THSD7B: variants seen among roughly 807,000 people sequenced by gnomAD.
THSD7B encodes thrombospondin type-1 domain-containing protein 7B.
In THSD7B, 138 loss-of-function variants were observed where a neutral mutation model predicts 213.6. The ratio of observed to expected loss-of-function variants is 0.65; its 90% CI spans 0.56 to 0.74. The LOEUF is 0.74. Ranked by LOEUF, THSD7B falls within the 30% of genes least tolerant of loss-of-function variation. The pLI is 0.00. For synonymous variants in THSD7B, 742 were observed against 687.0 expected, an observed-to-expected ratio of 1.08 and a Z score of -1.25; for missense variants, 1,931 against 1,991.5, an observed-to-expected ratio of 0.97 and a Z score of 0.58.
intron 12 of THSD7B, among the ~76,000 whole-genome samples, chr2:137,292,611 T>A (rs1207084810): frequency 6.6e-6 from 1 of 152,206 alleles, no homozygotes; most frequent in Non-Finnish European, 1.5e-5. Context: ...ATAGTTGGTC[T>A]CTAGTAAGTA....
At chr2:137,198,930 A>T (rs7588708) in intron 7 of THSD7B, among the ~76,000 whole-genome samples, 140,684 of 152,200 alleles carry the variant, frequency 0.92, 65,278 homozygotes, top group Middle Eastern at 0.98. Flanking sequence ...TTATTTTGCC[A>T]AAGATATTTG....
At chr2:137,330,796 C>T (rs1419934463) in intron 12 of THSD7B, among the ~76,000 whole-genome samples, 1 of 152,076 alleles carries the variant, frequency 6.6e-6, no homozygotes, top group Non-Finnish European at 1.5e-5. Context: ...GAAGGGGCCC[C>T]AAGCGGGTTG....
At chr2:137,214,709 T>G (rs1339463764) in intron 7 of THSD7B, among the ~76,000 whole-genome samples, 1 of 152,130 alleles carries the variant, frequency 6.6e-6, no homozygotes, top group Non-Finnish European at 1.5e-5. Flanking sequence ...TGTGTTAGTT[T>G]GCTGAGAAAG....
chr2:136,854,131 A>G (rs1362268890), intron 1 of THSD7B, among the ~76,000 whole-genome samples: 1 of 152,168 alleles, frequency 6.6e-6, no homozygotes, highest in African/African-American at 2.4e-5. Flanking sequence ...CAGTGTGCAC[A>G]TTGGTAGTGA....
intron 2 of THSD7B, among the ~76,000 whole-genome samples, chr2:136,941,665 T>C (rs768913953): frequency 2.6e-5 from 4 of 152,248 alleles, no homozygotes; most frequent in Non-Finnish European, 5.9e-5. Context: ...TTTTGAGAAG[T>C]GTCTGTTCAT....
chr2:137,512,575 T>C (rs1363420513), intron 15 of THSD7B, among the ~76,000 whole-genome samples: 1 of 151,656 alleles, frequency 6.6e-6, no homozygotes, highest in African/African-American at 2.4e-5. Flanking sequence ...GTATTATTTG[T>C]AGAGACAGGG....
At chr2:137,464,516 C>A (rs1356747147) in intron 15 of THSD7B, among the ~76,000 whole-genome samples, 1 of 152,006 alleles carries the variant, frequency 6.6e-6, no homozygotes, top group Non-Finnish European at 1.5e-5. Context: ...ATTTATCTCA[C>A]CTGAAGGGCC....
chr2:137,586,489 A>G (rs1221909719), intron 17 of THSD7B, among the ~76,000 whole-genome samples: 1 of 151,998 alleles, frequency 6.6e-6, no homozygotes, highest in African/African-American at 2.4e-5. Flanking sequence ...GTTCCTTTCC[A>G]TGTTTAGTGC....
chr2:137,416,820 G>C (rs72979606), intron 14 of THSD7B, among the ~76,000 whole-genome samples: 12,885 of 152,260 alleles, frequency 0.085, 1,166 homozygotes, highest in African/African-American at 0.22. Flanking sequence ...TCGATGTATA[G>C]TTTGGGAATA....
At chr2:136,800,454 T>A (rs1372208706) in intron 1 of THSD7B, among the ~76,000 whole-genome samples, 1 of 152,024 alleles carries the variant, frequency 6.6e-6, no homozygotes, top group Non-Finnish European at 1.5e-5. Context: ...TCATAGTATC[T>A]TCCCCACAAA....
At chr2:137,260,885 A>G (rs1019594307) in intron 10 of THSD7B, among the ~76,000 whole-genome samples, 1 of 152,138 alleles carries the variant, frequency 6.6e-6, no homozygotes, top group African/African-American at 2.4e-5. Context: ...TTAAATGGCT[A>G]TATGGTAATT....
chr2:137,574,993 G>C (rs927873212), intron 17 of THSD7B, among the ~76,000 whole-genome samples: 1 of 152,002 alleles, frequency 6.6e-6, no homozygotes, highest in African/African-American at 2.4e-5. Context: ...TCCTTTGATA[G>C]TCTGCAGTGT....
chr2:137,063,950 A>G (rs1341586672), intron 3 of THSD7B, among the ~76,000 whole-genome samples: 1 of 151,954 alleles, frequency 6.6e-6, no homozygotes, highest in African/African-American at 2.4e-5. Flanking sequence ...AATCTTGACT[A>G]TTGTGCACAG....
At chr2:136,840,899 G>T (rs1266633427) in intron 1 of THSD7B, among the ~76,000 whole-genome samples, 1 of 151,868 alleles carries the variant, frequency 6.6e-6, no homozygotes, top group Non-Finnish European at 1.5e-5. Flanking sequence ...AAATGAGGGG[G>T]AAAATATGGA....
rs1431753508 is a variant in THSD7B at position 137,394,344 on chromosome 2, T to C, written c.2501-11269T>C. On this transcript the variant is annotated intron_variant, in intron 12 of 27. Coordinates refer to ENST00000409968, the MANE Select transcript of THSD7B (RefSeq NM_001316349.2). ...ATCTTGAATTGATTTTTGTATAAGGTGTAAGGAAGGGATCCAGTTTCATCT... is the reference window on the plus strand; with the variant it reads ...ATCTTGAATTGATTTTTGTATAAGGCGTAAGGAAGGGATCCAGTTTCATCT... Among the ~76,000 whole-genome samples, 9 of 128,962 alleles carry C rather than the reference T, an allele frequency of 7.0e-5. 1 individual carries two copies. The highest frequency in any genetic ancestry group is 1.2e-4 in the Non-Finnish European group (7 of 58,746). 84.6% of individuals were successfully genotyped at this position (128,962 alleles called of 152,430 possible). A position where few individuals can be genotyped will look rare whatever the true frequency, so the allele number is the denominator to read the frequency against.
At chr2:137,231,337 A>C in intron 8 of THSD7B, 102 bp downstream of exon 8, 1 of 1,105,880 alleles carries the variant, frequency 9.0e-7, no homozygotes. Context: ...ATAGTCACAC[A>C]TAGACGATAT....
chr2:137,176,560 G>A (rs2105000757), intron 7 of THSD7B, among the ~76,000 whole-genome samples: 1 of 152,288 alleles, frequency 6.6e-6, no homozygotes, highest in South Asian at 2.1e-4. Context: ...GGAATAGTCA[G>A]AAGTAATGGG....
chr2:137,100,863 A>G (rs1042238304), intron 4 of THSD7B, among the ~76,000 whole-genome samples: 20 of 151,980 alleles, frequency 1.3e-4, no homozygotes, highest in African/African-American at 4.8e-4. Context: ...CAGTTCCACA[A>G]TCCTGCTGAT....
intron 14 of THSD7B, among the ~76,000 whole-genome samples, chr2:137,441,316 G>C (rs1297490035): frequency 6.6e-6 from 1 of 152,032 alleles, no homozygotes; most frequent in Non-Finnish European, 1.5e-5. Context: ...CTCCCCAGCA[G>C]AACCTCCTCC....
Sources: gnomAD v4.1 joint callset for allele counts (sites outside exome capture counted in the v4.1 genomes callset) on GRCh38, gnomAD v4.1.1 for gene constraint, MANE v1.5 for transcripts, NCBI Gene and HGNC (gene_info 2026-07-23, HGNC 2026-07-21) for gene names.